The following PTPRO variants were observed in gnomAD, a reference collection of about 807,000 sequenced individuals.
PTPRO encodes the protein protein tyrosine phosphatase receptor type O.
In PTPRO, 62 loss-of-function variants were observed where a neutral mutation model predicts 145.2. The ratio of observed to expected loss-of-function variants is 0.43; its 90% confidence interval spans 0.35 to 0.53. PTPRO has a LOEUF of 0.53. Ranked by LOEUF, PTPRO falls within the 20% of genes least tolerant of loss-of-function variation. PTPRO has a pLI of 0.01. For missense variants in PTPRO, 1,345 were observed against 1,482.7 expected, an observed-to-expected ratio of 0.91 and a Z score of 1.53; for synonymous variants, 565 against 514.7, an observed-to-expected ratio of 1.10 and a Z score of -1.32.
At chr12:15,550,499 T>A (rs542634649) in intron 14 of PTPRO, among the ~76,000 whole-genome samples, 2 of 152,332 alleles carry the variant, frequency 1.3e-5, no homozygotes, top group African/African-American at 4.8e-5. Context: ...CATCATTCCT[T>A]GTCAGCTCCA....
intron 15 of PTPRO, among the ~76,000 whole-genome samples, chr12:15,553,002 G>A (rs1257308069): frequency 1.1e-4 from 17 of 151,858 alleles, no homozygotes; most frequent in Admixed American, 1.1e-3. Flanking sequence ...GTTTCACCAT[G>A]TTGGCCAGGC....
chr12:15,513,806 C>T (rs1308420754), intron 7 of PTPRO, among the ~76,000 whole-genome samples: 1 of 152,152 alleles, frequency 6.6e-6, no homozygotes, highest in East Asian at 1.9e-4. Flanking sequence ...CTGGTTTAAA[C>T]ATTCTCAAAC....
rs1941605741 is a variant in PTPRO at position 15,474,242 on chromosome 12, G to C, written c.76-9732G>C. On this transcript the variant is annotated intron_variant, in intron 1 of 26. Coordinates refer to ENST00000281171, the MANE Select transcript of PTPRO (RefSeq NM_030667.3). ...GGGAGCTTTCCTTCAATTCTGACTAGAACATATCTCTGACCCGTTTTTGTC... is the reference window on the plus strand; with the variant it reads ...GGGAGCTTTCCTTCAATTCTGACTACAACATATCTCTGACCCGTTTTTGTC... Among the ~76,000 whole-genome samples the C allele has an allele frequency of 2.0e-5, 3 of 152,146 alleles. No individual in the cohort carries two copies. In the South Asian group the frequency reaches 6.2e-4, roughly 32 times the overall value.
chr12:15,568,055 C>T (rs1260234193), intron 18 of PTPRO, among the ~76,000 whole-genome samples: 1 of 152,178 alleles, frequency 6.6e-6, no homozygotes, highest in Non-Finnish European at 1.5e-5. Context: ...AAAATGTTAA[C>T]ATAAATGAAT....
At chr12:15,563,952 A>G (rs1943838064) in intron 17 of PTPRO, among the ~76,000 whole-genome samples, 1 of 152,178 alleles carries the variant, frequency 6.6e-6, no homozygotes, top group Non-Finnish European at 1.5e-5. Flanking sequence ...TAAATGTGGA[A>G]CTCCTAAAAC....
At chr12:15,365,743 G>A (rs1346970929) in intron 1 of PTPRO, among the ~76,000 whole-genome samples, 1 of 151,974 alleles carries the variant, frequency 6.6e-6, no homozygotes, top group African/African-American at 2.4e-5. Flanking sequence ...CTCCCCATTA[G>A]TTTTCTTGCA....
intron 1 of PTPRO, chr12:15,439,466 G>T: frequency 4.9e-6 from 1 of 202,720 alleles, no homozygotes; most frequent in East Asian, 1.5e-4. Context: ...CGACCTAAAA[G>T]ACACAGAGCT....
intron 1 of PTPRO, among the ~76,000 whole-genome samples, chr12:15,464,423 C>T (rs1181226411): frequency 3.3e-5 from 5 of 151,916 alleles, no homozygotes; most frequent in Admixed American, 1.3e-4. Flanking sequence ...GACACAATCT[C>T]GGCTCACTGC....
intron 1 of PTPRO, among the ~76,000 whole-genome samples, chr12:15,467,189 A>G (rs1267654591): frequency 1.3e-5 from 2 of 152,180 alleles, no homozygotes; most frequent in Non-Finnish European, 2.9e-5. Flanking sequence ...CTTGATTCTC[A>G]TAGCTTCATC....
At chr12:15,557,356 G>T in intron 15 of PTPRO, 99 bp from the exon 16 acceptor site, 1 of 1,094,982 alleles carries the variant, frequency 9.1e-7, no homozygotes, top group Non-Finnish European at 1.4e-6. Context: ...TTAATTTAAT[G>T]CTGTGATGAT....
chr12:15,589,950 T>A (rs1944511634), intron 25 of PTPRO, among the ~76,000 whole-genome samples: 1 of 152,326 alleles, frequency 6.6e-6, no homozygotes, highest in South Asian at 2.1e-4. Flanking sequence ...ATATTTGAAA[T>A]GTTGGATTTG....
At chr12:15,395,468 C>T (rs1259290316) in intron 1 of PTPRO, among the ~76,000 whole-genome samples, 1 of 151,940 alleles carries the variant, frequency 6.6e-6, no homozygotes, top group Non-Finnish European at 1.5e-5. Context: ...AGAGATTCTT[C>T]TTTATCCCAA....
chr12:15,385,608 T>C (rs1938998985), intron 1 of PTPRO, among the ~76,000 whole-genome samples: 1 of 151,950 alleles, frequency 6.6e-6, no homozygotes, highest in Non-Finnish European at 1.5e-5. Flanking sequence ...GGTCAGGAGA[T>C]CGAGACCATC....
intron 1 of PTPRO, among the ~76,000 whole-genome samples, chr12:15,446,596 G>A (rs1336858568): frequency 6.6e-6 from 1 of 151,656 alleles, no homozygotes; most frequent in African/African-American, 2.4e-5. Context: ...TGGATTCTTT[G>A]GAATAAAATT....
intron 5 of PTPRO, 67 bp from the exon 6 acceptor site, chr12:15,503,841 C>G: frequency 7.4e-7 from 1 of 1,342,664 alleles, no homozygotes; most frequent in Non-Finnish European, 1.0e-6. Context: ...CATTAATCGA[C>G]TTGTCTATAC....
At chr12:15,488,201 T>C (rs1042746921) in intron 2 of PTPRO, among the ~76,000 whole-genome samples, 6 of 152,210 alleles carry the variant, frequency 3.9e-5, no homozygotes, top group Non-Finnish European at 7.3e-5. Context: ...AAACACGTAT[T>C]GATTTCCAAA....
intron 21 of PTPRO, 65 bp downstream of exon 21, chr12:15,580,180 T>C: frequency 7.8e-7 from 1 of 1,275,174 alleles, no homozygotes; most frequent in South Asian, 1.2e-5. Context: ...AGCAGGGCTA[T>C]ATGGATGTGT....
Position 15,483,976 on chromosome 12 carries a change from T to C in PTPRO, c.78T>C (p.Asn26=), listed in dbSNP as rs748322440. ...PLLWLFVLFK[N]ATAFHVTVQD... Reference sequence around the variant, plus strand: ...TTTTATTCTGTTTCATTCAACAGAATGCTACAGCTTTCCATGTAACTGTCC... The same window carrying C: ...TTTTATTCTGTTTCATTCAACAGAACGCTACAGCTTTCCATGTAACTGTCC... Residue 26 remains asparagine (N), a splice_region_variant and synonymous_variant, in exon 2 of 27, where the codon AAT becomes AAC. Transcript: ENST00000281171. 6 of 1,613,298 alleles carry C rather than the reference T, an allele frequency of 3.7e-6. No homozygotes were observed. The highest frequency in any genetic ancestry group is 1.1e-5 in the South Asian group (1 of 91,066).
At chr12:15,497,439 C>A in intron 3 of PTPRO, 36 bp downstream of exon 3, 1 of 1,601,572 alleles carries the variant, frequency 6.2e-7, no homozygotes, top group African/African-American at 1.3e-5. Flanking sequence ...CAATGATGAC[C>A]CTCACTTTTT....
Sources: allele counts gnomAD v4.1 joint callset (sites outside exome capture counted in the v4.1 genomes callset), GRCh38; gene constraint gnomAD v4.1.1; transcripts MANE v1.5; gene names NCBI Gene and HGNC (gene_info 2026-07-23, HGNC 2026-07-21).